KIF16B: variants seen among roughly 807,000 people sequenced by gnomAD.
KIF16B encodes kinesin-like protein KIF16B.
A neutral mutation model predicts 156.3 loss-of-function variants in KIF16B; 98 were observed. That is an observed-to-expected ratio of 0.63 (90% CI 0.53 to 0.74). The LOEUF (loss-of-function observed/expected upper bound fraction) is 0.74. KIF16B is among the 30% of genes least tolerant of loss of function. The pLI is 0.00. For missense variants in KIF16B, 1,421 were observed against 1,606.5 expected (o/e 0.88, Z 1.97); for synonymous variants, 564 against 583.7 (o/e 0.97, Z 0.49).
intron 22 of KIF16B, among the ~76,000 whole-genome samples, chr20:16,359,408 C>T (rs1322920536): frequency 6.6e-6 from 1 of 152,178 alleles, no homozygotes; most frequent in Non-Finnish European, 1.5e-5. Flanking sequence ...TCACCTTCCA[C>T]CATGATTGTA....
At chr20:16,326,230 T>C (rs532367494) in intron 24 of KIF16B, among the ~76,000 whole-genome samples, 134 of 152,048 alleles carry the variant, frequency 8.8e-4, no homozygotes, top group Middle Eastern at 3.4e-3. Flanking sequence ...CTTCTGGACA[T>C]TGGTTTAGGC....
At chr20:16,420,873 T>C (rs899413633) in intron 15 of KIF16B, among the ~76,000 whole-genome samples, 2 of 152,090 alleles carry the variant, frequency 1.3e-5, no homozygotes, top group African/African-American at 2.4e-5. Flanking sequence ...ACCTGGACTT[T>C]AGGATCCTAG....
chr20:16,532,906 C>T (rs543602509), intron 1 of KIF16B, among the ~76,000 whole-genome samples: 1 of 152,280 alleles, frequency 6.6e-6, no homozygotes, highest in East Asian at 1.9e-4. Flanking sequence ...ATCTCAGAAC[C>T]TTACACCTTT....
chr20:16,295,392 T>G (rs1336053527), intron 25 of KIF16B, among the ~76,000 whole-genome samples: 1 of 152,006 alleles, frequency 6.6e-6, no homozygotes, highest in Non-Finnish European at 1.5e-5. Flanking sequence ...CTATATACTA[T>G]ATACAATATT....
At chr20:16,491,274 G>A (rs1294986651) in intron 12 of KIF16B, among the ~76,000 whole-genome samples, 2 of 152,178 alleles carry the variant, frequency 1.3e-5, no homozygotes, top group Non-Finnish European at 2.9e-5. Context: ...GACTCCAGGG[G>A]TGGTGGGCAC....
chr20:16,448,544 A>G (rs1568546410), intron 12 of KIF16B, among the ~76,000 whole-genome samples: 1 of 152,190 alleles, frequency 6.6e-6, no homozygotes. Flanking sequence ...GGGCCTGGAC[A>G]GGCCACTCCT....
intron 22 of KIF16B, among the ~76,000 whole-genome samples, chr20:16,358,455 G>A (rs2064488855): frequency 6.6e-6 from 1 of 152,198 alleles, no homozygotes; most frequent in African/African-American, 2.4e-5. Flanking sequence ...GGGATTCCAG[G>A]TGATGTTCAC....
At chr20:16,554,749 C>T (rs977712046) in intron 1 of KIF16B, among the ~76,000 whole-genome samples, 8 of 152,328 alleles carry the variant, frequency 5.3e-5, no homozygotes, top group African/African-American at 1.9e-4. Context: ...GCTGTCACAC[C>T]CTCTTTGGGG....
At position 16,379,884 on chromosome 20, in the gene KIF16B, T is replaced by G. The variant is rs1191680108; in HGVS notation, c.2118A>C (p.Gln706His). 5 of 1,614,128 alleles carry G rather than the reference T, an allele frequency of 3.1e-6. No individual in the cohort carries two copies. Among genetic ancestry groups the G allele is most frequent in the Non-Finnish European group, 4.2e-6 (5 of 1,180,050 alleles). ...GTTCTTTGAGTCGTTGGAGTTCTTC[T>G]TGGACGCGGAGAAAGGTCTCTTCTT... Reference protein sequence around the residue: ...RQEEETFLRVQEELQRLKELN... With the variant: ...RQEEETFLRVHEELQRLKELN... The change falls in exon 19 of 26, where the codon CAA (glutamine) becomes CAC (histidine). Residue 706 changes from glutamine (Q) to histidine (H), a missense_variant. Coordinates refer to ENST00000354981, the MANE Select transcript of KIF16B (RefSeq NM_024704.5).
intron 24 of KIF16B, among the ~76,000 whole-genome samples, chr20:16,326,007 C>G (rs1466003724): frequency 1.3e-5 from 2 of 151,998 alleles, no homozygotes; most frequent in Non-Finnish European, 2.9e-5. Context: ...TACTTACAGC[C>G]AACTGATCTT....
intron 25 of KIF16B, among the ~76,000 whole-genome samples, chr20:16,275,375 T>C (rs2063045691): frequency 6.6e-6 from 1 of 152,190 alleles, no homozygotes; most frequent in African/African-American, 2.4e-5. Flanking sequence ...GTACATTCTT[T>C]AAATGTATAA....
At chr20:16,551,480 C>G (rs2070662254) in intron 1 of KIF16B, among the ~76,000 whole-genome samples, 1 of 152,198 alleles carries the variant, frequency 6.6e-6, no homozygotes. Context: ...GGCCGCATCT[C>G]TCCAGCTTTC....
chr20:16,364,357 T>C (rs1195362996), intron 22 of KIF16B, among the ~76,000 whole-genome samples: 1 of 152,218 alleles, frequency 6.6e-6, no homozygotes, highest in African/African-American at 2.4e-5. Flanking sequence ...ACAATATAAA[T>C]GTTTATGCCT....
intron 15 of KIF16B, among the ~76,000 whole-genome samples, chr20:16,409,004 G>A (rs1002224358): frequency 1.3e-5 from 2 of 152,074 alleles, no homozygotes; most frequent in African/African-American, 2.4e-5. Flanking sequence ...TCAGACATAC[G>A]CTTTGCCTTT....
At chr20:16,324,299 T>C (rs1294531521) in intron 24 of KIF16B, among the ~76,000 whole-genome samples, 2 of 151,908 alleles carry the variant, frequency 1.3e-5, no homozygotes, top group African/African-American at 2.4e-5. Context: ...AACATGGCCA[T>C]GGAGAGGGAG....
intron 12 of KIF16B, among the ~76,000 whole-genome samples, chr20:16,449,968 T>C (rs1600427559): frequency 6.6e-6 from 1 of 152,060 alleles, no homozygotes; most frequent in South Asian, 2.1e-4. Context: ...ATCGAAAGAA[T>C]TAAGAGGAAA....
intron 1 of KIF16B, among the ~76,000 whole-genome samples, chr20:16,564,934 T>A (rs2071199022): frequency 6.6e-6 from 1 of 152,030 alleles, no homozygotes; most frequent in African/African-American, 2.4e-5. Context: ...TTGAGCCCCC[T>A]GGTCAGGCGT....
At chr20:16,525,283 G>A (rs962249753) in intron 3 of KIF16B, among the ~76,000 whole-genome samples, 10 of 152,184 alleles carry the variant, frequency 6.6e-5, no homozygotes, top group African/African-American at 2.2e-4. Context: ...TCTTATCCCC[G>A]TTTTAACATA....
intron 25 of KIF16B, 81 bp downstream of exon 25, chr20:16,312,254 A>T: frequency 1.1e-6 from 1 of 951,096 alleles, no homozygotes. Flanking sequence ...GAAATTTAAT[A>T]GTATTTAACA....
Sources: gnomAD v4.1 joint callset for allele counts (sites outside exome capture counted in the v4.1 genomes callset) on GRCh38, gnomAD v4.1.1 for gene constraint, MANE v1.5 for transcripts, NCBI Gene and HGNC (gene_info 2026-07-23, HGNC 2026-07-21) for gene names.